Variants in RNLS observed in about 807,000 individuals in gnomAD.
The protein encoded by RNLS is renalase.
Under a neutral mutation model 39.8 loss-of-function variants are expected in RNLS, and 39 were observed. The observed-to-expected ratio is 0.98, with a 90% CI of 0.76 to 1.28. RNLS has a LOEUF of 1.28. RNLS is among the 50% of genes most tolerant of loss of function. The pLI is 0.00. For synonymous variants in RNLS, 147 were observed against 150.7 expected, an observed-to-expected ratio of 0.98 and a Z score of 0.18; for missense variants, 410 against 413.3, an observed-to-expected ratio of 0.99 and a Z score of 0.07.
the RNLS span, among the ~76,000 whole-genome samples, chr10:88,263,170 C>T: frequency 2.0e-5 from 3 of 151,744 alleles, no homozygotes; most frequent in Non-Finnish European, 4.4e-5. Flanking sequence ...GAGAGGTAAA[C>T]CCAATAGATA....
At chr10:88,454,409 AG>A (rs1416513555) in intron 4 of RNLS, among the ~76,000 whole-genome samples, 1 of 152,218 alleles carries the variant, frequency 6.6e-6, no homozygotes, top group Non-Finnish European at 1.5e-5. Flanking sequence ...GAGAAGTCAG[AG>A]GAAGCATGGA....
intron 4 of RNLS, among the ~76,000 whole-genome samples, chr10:88,407,490 CAAT>C (rs1853359237): frequency 6.6e-6 from 1 of 151,108 alleles, no homozygotes; most frequent in Admixed American, 6.6e-5. Flanking sequence ...AAAAAATTAA[CAAT>C]AGTACAAAGA....
chr10:88,497,883 GA>G (rs1254879978), intron 4 of RNLS, among the ~76,000 whole-genome samples: 22 of 149,492 alleles, frequency 1.5e-4, no homozygotes, highest in Non-Finnish European at 2.4e-4. Flanking sequence ...TAATTTTGGG[GA>G]AAAAAAAACT....
intron 5 of RNLS, among the ~76,000 whole-genome samples, chr10:88,350,200 C>T (rs1053360811): frequency 1.3e-5 from 2 of 151,202 alleles, no homozygotes; most frequent in South Asian, 2.1e-4. Flanking sequence ...CAAATGGTTC[C>T]ATGTTCATTC....
At chr10:88,503,440 G>T (rs1199911829) in intron 4 of RNLS, among the ~76,000 whole-genome samples, 1 of 152,084 alleles carries the variant, frequency 6.6e-6, no homozygotes, top group Non-Finnish European at 1.5e-5. Context: ...TTAAACAAAA[G>T]CTAAGACACT....
chr10:88,195,411 A>G, the RNLS span, among the ~76,000 whole-genome samples: 18 of 152,172 alleles, frequency 1.2e-4, no homozygotes, highest in Non-Finnish European at 2.5e-4. Flanking sequence ...TGCAGAGAAC[A>G]TAATTTCACA....
At chr10:88,421,935 A>C (rs1854435418) in intron 4 of RNLS, among the ~76,000 whole-genome samples, 1 of 152,140 alleles carries the variant, frequency 6.6e-6, no homozygotes, top group Admixed American at 6.6e-5. Context: ...TTTACTGCTC[A>C]TTATACAAGA....
At chr10:88,331,840 A>C (rs1847136597) in intron 5 of RNLS, among the ~76,000 whole-genome samples, 1 of 152,166 alleles carries the variant, frequency 6.6e-6, no homozygotes. Flanking sequence ...AGCACCTGTA[A>C]TGAAGAGCAA....
intron 4 of RNLS, among the ~76,000 whole-genome samples, chr10:88,381,836 T>C (rs1307816199): frequency 1.3e-5 from 2 of 152,114 alleles, no homozygotes; most frequent in Non-Finnish European, 2.9e-5. Flanking sequence ...CTGTCTGGTT[T>C]TTTTATATCC....
the RNLS span, among the ~76,000 whole-genome samples, chr10:88,264,821 C>T: frequency 1.3e-5 from 2 of 152,202 alleles, no homozygotes; most frequent in Non-Finnish European, 2.9e-5. Context: ...TTTTGCTGTG[C>T]ACAAACTTAC....
At chr10:88,260,592 C>T in the RNLS span, among the ~76,000 whole-genome samples, 1 of 152,224 alleles carries the variant, frequency 6.6e-6, no homozygotes, top group Non-Finnish European at 1.5e-5. Context: ...AGTCTGACTT[C>T]ACGAACAGCA....
chr10:88,575,760 T>A (rs768192297), intron 3 of RNLS, among the ~76,000 whole-genome samples: 1 of 151,972 alleles, frequency 6.6e-6, no homozygotes, highest in African/African-American at 2.4e-5. Context: ...AATTTGACCA[T>A]GTCCCTCTCT....
chr10:88,241,839 CT>C, the RNLS span, among the ~76,000 whole-genome samples: 1,772 of 152,284 alleles, frequency 0.012, 36 homozygotes, highest in African/African-American at 0.04. Flanking sequence ...TTTATACAGA[CT>C]TTTTTGTTGT....
chr10:88,330,096 T>TATATATATATATATAA (rs1846998713), intron 5 of RNLS, among the ~76,000 whole-genome samples: 7 of 146,094 alleles, frequency 4.8e-5, no homozygotes, highest in African/African-American at 1.5e-4. Flanking sequence ...TATATAAATA[T>TATATATATATATATAA]AAATATATAT....
At chr10:88,329,084 CTT>C (rs776645419) in intron 5 of RNLS, among the ~76,000 whole-genome samples, 29 of 141,934 alleles carry the variant, frequency 2.0e-4, no homozygotes, top group Non-Finnish European at 1.4e-4. Context: ...TTTTGTTTTT[CTT>C]TTTTTTTTTT....
At chr10:88,438,526 T>C (rs1841536997) in intron 4 of RNLS, among the ~76,000 whole-genome samples, 1 of 152,220 alleles carries the variant, frequency 6.6e-6, no homozygotes, top group South Asian at 2.1e-4. Flanking sequence ...TTTTAGGAAT[T>C]TGTTTATTAC....
At chr10:88,198,598 ATTGGATCATGGG>A in the RNLS span, among the ~76,000 whole-genome samples, 2 of 152,038 alleles carry the variant, frequency 1.3e-5, no homozygotes, top group Admixed American at 6.6e-5. Context: ...GATCATGGTG[ATTGGATCATGGG>A]TCACTCTTCT....
chr10:88,292,735 A>C (rs1283223972), intron 6 of RNLS, among the ~76,000 whole-genome samples: 1 of 152,068 alleles, frequency 6.6e-6, no homozygotes, highest in Non-Finnish European at 1.5e-5. Context: ...TTTGATACTC[A>C]CACTGCATCT....
chr10:88,277,198 C>T (rs1447405225), intron 6 of RNLS, among the ~76,000 whole-genome samples: 1 of 152,140 alleles, frequency 6.6e-6, no homozygotes, highest in Non-Finnish European at 1.5e-5. Context: ...AAGCTGGAAA[C>T]CATCATTCTC....
Sources: gnomAD v4.1 joint callset for allele counts (sites outside exome capture counted in the v4.1 genomes callset) on GRCh38, gnomAD v4.1.1 for gene constraint, MANE v1.5 for transcripts, NCBI Gene and HGNC (gene_info 2026-07-23, HGNC 2026-07-21) for gene names.